HLF: variants seen among roughly 807,000 people sequenced by gnomAD.
HLF encodes hepatic leukemia factor.
A neutral mutation model predicts 22.6 loss-of-function variants in HLF; 3 were observed. That is an observed-to-expected ratio of 0.13 (90% CI 0.06 to 0.34). The LOEUF is 0.34. Among genes scored for constraint, HLF ranks in the 10% least tolerant of loss-of-function variants. HLF has a pLI of 1.00. For synonymous variants in HLF, 151 were observed against 151.8 expected (o/e 0.99, Z 0.04); for missense variants, 299 against 389.2 (o/e 0.77, Z 1.95).
At chr17:55,290,194 T>C (rs2081047398) in intron 2 of HLF, among the ~76,000 whole-genome samples, 1 of 152,050 alleles carries the variant, frequency 6.6e-6, no homozygotes, top group African/African-American at 2.4e-5. Flanking sequence ...AGTGTGGAGG[T>C]TCCTCAGAAA....
intron 2 of HLF, among the ~76,000 whole-genome samples, chr17:55,275,342 G>A (rs973795066): frequency 4.6e-5 from 7 of 152,084 alleles, no homozygotes; most frequent in East Asian, 3.9e-4. Flanking sequence ...GCAATCCACC[G>A]ACCTTGGCCT....
chr17:55,270,864 G>A (rs1442895494), intron 2 of HLF, among the ~76,000 whole-genome samples: 1 of 151,890 alleles, frequency 6.6e-6, no homozygotes, highest in Non-Finnish European at 1.5e-5. Flanking sequence ...GGATGGTCTC[G>A]ATCGCCTGAC....
chr17:55,294,055 C>T (rs887595116), intron 2 of HLF, among the ~76,000 whole-genome samples: 6 of 150,572 alleles, frequency 4.0e-5, no homozygotes, highest in South Asian at 4.2e-4. Flanking sequence ...CTTCTGATAA[C>T]GGTCTTAAAA....
chr17:55,270,893 C>T (rs991876390), intron 2 of HLF, among the ~76,000 whole-genome samples: 10 of 152,132 alleles, frequency 6.6e-5, no homozygotes, highest in East Asian at 1.9e-4. Flanking sequence ...CCGCCCGCCT[C>T]GGCCTCCCAA....
chr17:55,315,518 C>A, intron 3 of HLF, 71 bp downstream of exon 3: 2 of 1,133,292 alleles, frequency 1.8e-6, no homozygotes, highest in Non-Finnish European at 1.3e-6. Context: ...AAAAGGGTGA[C>A]CCCAGGATGA....
rs773957916 is a variant in HLF at position 55,268,073 on chromosome 17, C to T, written c.438C>T (p.Ser146=). ...PGIPSPNCMQ[S]PIRPGQLLPA... ...TCCCATCTCCGAACTGTATGCAGAG[C>T]CCCATCAGACCAGGTAAGTGCCCTG... The change falls in exon 2 of 4, where the codon AGC becomes AGT. Residue 146 remains serine (S), a synonymous_variant. Transcript: ENST00000226067. 1.3e-5 allele frequency: 20 copies of T among 1,555,912 alleles called. No homozygotes were observed. The East Asian group carries it at 4.3e-4, about 33-fold the overall frequency.
intron 2 of HLF, among the ~76,000 whole-genome samples, chr17:55,277,343 C>A (rs1246445808): frequency 1.3e-5 from 2 of 150,500 alleles, no homozygotes; most frequent in Non-Finnish European, 2.9e-5. Context: ...GTTAATGTCT[C>A]AGTGATACAA....
At position 55,323,825 on chromosome 17, in the gene HLF, C is replaced by G. The variant is rs1734954593; in HGVS notation, c.*2946C>G. ...TGAGAGTCCCTTTGTCATTTTTCAC[C>G]TTTTCATCCTAAGCATCTTTCAGAG... On this transcript the variant is annotated 3_prime_UTR_variant, in exon 4 of 4. Coordinates refer to ENST00000226067, the MANE Select transcript of HLF (RefSeq NM_002126.5). 1 of 229,998 alleles carries G rather than the reference C, an allele frequency of 4.3e-6. No individual in the cohort carries two copies. Among genetic ancestry groups the G allele is most frequent in the Non-Finnish European group, 8.6e-6 (1 of 115,978 alleles). The allele number at this position is 229,998 out of a possible 1,614,324, so 14.2% of individuals were successfully genotyped here. A position where few individuals can be genotyped will look rare whatever the true frequency, so the allele number is the denominator to read the frequency against.
At chr17:55,275,513 T>C (rs976041622) in intron 2 of HLF, among the ~76,000 whole-genome samples, 2 of 152,244 alleles carry the variant, frequency 1.3e-5, no homozygotes, top group African/African-American at 4.8e-5. Flanking sequence ...GGCAATATAG[T>C]GACCTTGGGG....
chr17:55,266,504 C>A (rs930546890), intron 1 of HLF, among the ~76,000 whole-genome samples: 1 of 152,206 alleles, frequency 6.6e-6, no homozygotes, highest in African/African-American at 2.4e-5. Flanking sequence ...TATTTGGCTA[C>A]AAATAGCTTG....
At position 55,265,285 on chromosome 17, in the gene HLF, C is replaced by G; in HGVS notation, c.-200C>G. 1 of 486,678 alleles carries G rather than the reference C, an allele frequency of 2.1e-6. No individual in the cohort carries two copies. The highest frequency in any genetic ancestry group is 3.6e-6 in the Non-Finnish European group (1 of 280,988). The allele number at this position is 486,678 out of a possible 1,614,324, so 30.1% of individuals were successfully genotyped here. A position where few individuals can be genotyped will look rare whatever the true frequency, so the allele number is the denominator to read the frequency against. On this transcript the variant is annotated 5_prime_UTR_variant, in exon 1 of 4. Transcript: ENST00000226067. ...CTCCTGGGACCGTCTGCACTGGAAA[C>G]CCGAAAGTTTTTTTTTAATATATAT...
Position 55,324,273 on chromosome 17 carries a change from T to C in HLF, c.*3394T>C, listed in dbSNP as rs1046800517. The C allele has an allele frequency of 4.4e-6, 1 of 226,826 alleles. No individual in the cohort carries two copies. Among genetic ancestry groups the C allele is most frequent in the African/African-American group, 2.2e-5 (1 of 44,950 alleles). 14.1% of individuals were successfully genotyped at this position (226,826 alleles called of 1,614,324 possible). A position where few individuals can be genotyped will look rare whatever the true frequency, so the allele number is the denominator to read the frequency against. ...TACTAGACCACCCAGAGGTTCCTTCTAACCCACTGGTTTGGTGGGGAACTC... is the reference window on the plus strand; with the variant it reads ...TACTAGACCACCCAGAGGTTCCTTCCAACCCACTGGTTTGGTGGGGAACTC... On this transcript the variant is annotated 3_prime_UTR_variant, in exon 4 of 4. Coordinates refer to ENST00000226067, the MANE Select transcript of HLF (RefSeq NM_002126.5).
At chr17:55,278,276 T>A (rs190969707) in intron 2 of HLF, among the ~76,000 whole-genome samples, 80 of 152,352 alleles carry the variant, frequency 5.3e-4, no homozygotes, top group African/African-American at 1.7e-3. Flanking sequence ...GACAAAATGT[T>A]CTCTTAGAAA....
In HLF at chr17:55,320,600, TG is replaced by T; in HGVS notation, c.673-62del. 6.8e-7 allele frequency: 1 copy of T among 1,470,112 alleles called. No individual in the cohort carries two copies. Among genetic ancestry groups the T allele is most frequent in the Non-Finnish European group, 9.4e-7 (1 of 1,064,662 alleles). The allele number at this position is 1,470,112 out of a possible 1,614,324, so 91.1% of individuals were successfully genotyped here. A position where few individuals can be genotyped will look rare whatever the true frequency, so the allele number is the denominator to read the frequency against. On this transcript the variant is annotated intron_variant, in intron 3 of 3. Coordinates refer to ENST00000226067, the MANE Select transcript of HLF (RefSeq NM_002126.5). This position sits in a 1 kb window ranked among gnomAD's most constrained non-coding sequence, Gnocchi z 4.2. ...TCCTGGAGCCTGCCCGTGCCCTGGC[TG>T]GCACTGGGCTTTGCTGAAATCTAAT...
chr17:55,284,468 G>C (rs1240220749), intron 2 of HLF, among the ~76,000 whole-genome samples: 1 of 152,156 alleles, frequency 6.6e-6, no homozygotes, highest in East Asian at 1.9e-4. Context: ...CAATTATCCT[G>C]AGGCTGATTA....
At chr17:55,271,122 C>T (rs1305230646) in intron 2 of HLF, among the ~76,000 whole-genome samples, 1 of 152,198 alleles carries the variant, frequency 6.6e-6, no homozygotes, top group Non-Finnish European at 1.5e-5. Context: ...TGGTCTAGAA[C>T]TTCAATTTGG....
At chr17:55,287,238 T>C (rs78973010) in intron 2 of HLF, among the ~76,000 whole-genome samples, 1 of 152,264 alleles carries the variant, frequency 6.6e-6, no homozygotes, top group East Asian at 1.9e-4. Flanking sequence ...AGTTCAGAAG[T>C]TTTATTTGGA....
chr17:55,281,811 T>C (rs780789400), intron 2 of HLF, among the ~76,000 whole-genome samples: 18 of 152,196 alleles, frequency 1.2e-4, no homozygotes, highest in Non-Finnish European at 2.1e-4. Flanking sequence ...CCATTCTGAC[T>C]ACAGGCAGCT....
At chr17:55,280,849 A>C (rs1005377580) in intron 2 of HLF, among the ~76,000 whole-genome samples, 1 of 152,236 alleles carries the variant, frequency 6.6e-6, no homozygotes, top group Admixed American at 6.5e-5. Flanking sequence ...CTTCTGCTGA[A>C]GTGAAATGGA....
Sources: gnomAD v4.1 joint callset for allele counts (sites outside exome capture counted in the v4.1 genomes callset) on GRCh38, gnomAD v4.1.1 for gene constraint, Gnocchi (gnomAD v3.1) non-coding constraint, MANE v1.5 for transcripts, NCBI Gene and HGNC (gene_info 2026-07-23, HGNC 2026-07-21) for gene names.